The following ILDR2 variants were observed in gnomAD, a reference collection of about 807,000 sequenced individuals.
ILDR2 encodes the protein immunoglobulin like domain containing receptor 2.
In ILDR2, 25 loss-of-function variants were observed where a neutral mutation model predicts 66.8. The observed-to-expected ratio is 0.37, with a 90% confidence interval of 0.27 to 0.52. The LOEUF is 0.52. ILDR2 is among the 20% of genes least tolerant of loss of function. The probability of loss-of-function intolerance (pLI) is 0.88; values close to 1 mark genes in which losing one functional copy is unlikely to be tolerated. For missense variants in ILDR2, 827 were observed against 876.8 expected (o/e 0.94, Z 0.72); for synonymous variants, 367 against 357.2 (o/e 1.03, Z -0.31).
At chr1:166,967,309 G>C (rs1031565520) in intron 1 of ILDR2, among the ~76,000 whole-genome samples, 2 of 152,188 alleles carry the variant, frequency 1.3e-5, no homozygotes, top group African/African-American at 4.8e-5. Context: ...ACTCTTACAG[G>C]AGAGAGAAAT....
rs112727164 is a variant in ILDR2, at chr1:166,923,649, CA to C, written c.995-841del. Among the ~76,000 whole-genome samples, 353 of 152,326 alleles carry C rather than the reference CA, an allele frequency of 2.3e-3. 3 individuals are homozygous for C. Among genetic ancestry groups the C allele is most frequent in the African/African-American group, 8.3e-3 (344 of 41,580 alleles). On this transcript the variant is annotated intron_variant, in intron 7 of 9. Coordinates refer to ENST00000271417, the MANE Select transcript of ILDR2 (RefSeq NM_199351.3). ...ATACTCTGGCCCCAGCCCAAAAATACAAATGGGGGTATCTAGTCACAGCTTT... is the reference window on the plus strand; with the variant it reads ...ATACTCTGGCCCCAGCCCAAAAATACAATGGGGGTATCTAGTCACAGCTTT...
rs374479063 is a variant in ILDR2, at chr1:166,909,736, CATATAT to C, written c.*9613_*9618del. The C allele has an allele frequency of 6.2e-3, 630 of 100,876 alleles. 11 individuals are homozygous for C. Among genetic ancestry groups the C allele is most frequent in the African/African-American group, 0.023 (585 of 24,926 alleles). 6.2% of individuals were successfully genotyped at this position (100,876 alleles called of 1,614,324 possible). ...ATATATATGTGTGTGTGTATACATA[CATATAT>C]ATATATATATATATATAAATATATA... On this transcript the variant is annotated 3_prime_UTR_variant, in exon 10 of 10. Transcript: ENST00000271417.
rs889337055 is a variant in ILDR2 at position 166,922,880 on chromosome 1, T to G, written c.995-71A>C. 7 of 1,353,842 alleles carry G rather than the reference T, an allele frequency of 5.2e-6. No homozygotes were observed. The African/African-American group carries it at 1.0e-4, about 19-fold the overall frequency. 83.9% of individuals were successfully genotyped at this position (1,353,842 alleles called of 1,614,324 possible). A position where few individuals can be genotyped will look rare whatever the true frequency, so the allele number is the denominator to read the frequency against. On this transcript the variant is annotated intron_variant, in intron 7 of 9. Coordinates refer to ENST00000271417, the MANE Select transcript of ILDR2 (RefSeq NM_199351.3). ...GTTTTAGACAGGAAGAGAATCCTGT[T>G]AAGGGCTGAGACCCTAGGCTCCAGG...
chr1:166,904,940 C>CA (rs1659315941), downstream of ILDR2, among the ~76,000 whole-genome samples: 2 of 152,060 alleles, frequency 1.3e-5, no homozygotes, highest in South Asian at 4.2e-4. Context: ...GACACCTCCT[C>CA]AAAAAAACTG....
intron 3 of ILDR2, among the ~76,000 whole-genome samples, chr1:166,945,057 C>A (rs145707925): frequency 6.6e-6 from 1 of 152,206 alleles, no homozygotes; most frequent in East Asian, 1.9e-4. Flanking sequence ...TGATTTGCTG[C>A]GCATTATAGT....
At chr1:166,929,856 A>G (rs1660530925) in intron 6 of ILDR2, among the ~76,000 whole-genome samples, 1 of 152,220 alleles carries the variant, frequency 6.6e-6, no homozygotes, top group African/African-American at 2.4e-5. Flanking sequence ...AAAGGCTTGG[A>G]TCGTAGAAAA....
At position 166,922,610 on chromosome 1, in the gene ILDR2, T is replaced by C; in HGVS notation, c.1194A>G (p.Arg398=). 6.2e-7 allele frequency: 1 copy of C among 1,613,930 alleles called. No homozygotes were observed. Among genetic ancestry groups the C allele is most frequent in the East Asian group, 2.2e-5 (1 of 44,874 alleles). The part of the protein sequence containing the change: ...PSAMEYNKED[R]ESFRHSQPRS... Reference sequence around the variant, plus strand: ...GCCATCACCTGTGCCTGAAGCTCTCTCGATCCTCTTTGTTATACTCCATGG... The same window carrying C: ...GCCATCACCTGTGCCTGAAGCTCTCCCGATCCTCTTTGTTATACTCCATGG... Residue 398 remains arginine (R), a synonymous_variant, in exon 8 of 10, where the codon CGA becomes CGG. Transcript: ENST00000271417.
intron 6 of ILDR2, chr1:166,933,474 A>T: frequency 1.2e-6 from 1 of 814,580 alleles, no homozygotes; most frequent in African/African-American, 1.9e-5. Flanking sequence ...TGTTCTATTA[A>T]CCAACCCTGG....
chr1:166,941,281 A>C (rs1661298988), intron 3 of ILDR2, among the ~76,000 whole-genome samples: 1 of 152,192 alleles, frequency 6.6e-6, no homozygotes, highest in South Asian at 2.1e-4. Context: ...TGCTGCTTGC[A>C]AGGTCTCTTG....
chr1:166,965,696 C>G (rs918459586), intron 1 of ILDR2, among the ~76,000 whole-genome samples: 1 of 151,612 alleles, frequency 6.6e-6, no homozygotes, highest in Non-Finnish European at 1.5e-5. Context: ...CATCAGCCTC[C>G]CACGTAGCTG....
intron 2 of ILDR2, among the ~76,000 whole-genome samples, chr1:166,896,890 C>G (rs1453257880): frequency 2.6e-5 from 4 of 152,152 alleles, no homozygotes; most frequent in Non-Finnish European, 4.4e-5. Flanking sequence ...CCACCTCAGC[C>G]TCCCAAAGTG....
chr1:166,928,300 A>G (rs1660425302), intron 6 of ILDR2, among the ~76,000 whole-genome samples: 1 of 152,202 alleles, frequency 6.6e-6, no homozygotes, highest in South Asian at 2.1e-4. Flanking sequence ...AAAATTTAGC[A>G]GTGCCAGGGC....
In ILDR2 at chr1:166,957,824, G is replaced by A; in HGVS notation, c.324C>T (p.Gly108=). 3.1e-6 allele frequency: 5 copies of A among 1,614,118 alleles called. No individual in the cohort carries two copies. The highest frequency in any genetic ancestry group is 4.2e-6 in the Non-Finnish European group (5 of 1,179,996). Residue 108 remains glycine (G), a synonymous_variant, in exon 2 of 10, where the codon GGC becomes GGT. Transcript: ENST00000271417. Reference sequence around the variant, plus strand: ...AGAAATCTCCCAGGGTGACAGTCGAGCCCTGTTTTGAAGCTACTACTCGAA... The same window carrying A: ...AGAAATCTCCCAGGGTGACAGTCGAACCCTGTTTTGAAGCTACTACTCGAA... The part of the protein sequence containing the change: ...RTVRVVASKQ[G]STVTLGDFYR...
At chr1:166,897,979 G>C (rs1208315674) in intron 2 of ILDR2, among the ~76,000 whole-genome samples, 1 of 152,188 alleles carries the variant, frequency 6.6e-6, no homozygotes, top group East Asian at 1.9e-4. Context: ...GGCATCTGAG[G>C]TAAGGGCAGT....
At position 166,921,871 on chromosome 1, in the gene ILDR2, A is replaced by C. The variant is rs1020414387; in HGVS notation, c.1212-492T>G. Among the ~76,000 whole-genome samples the C allele has an allele frequency of 3.3e-5, 5 of 152,164 alleles. No individual in the cohort carries two copies. The highest frequency in any genetic ancestry group is 7.2e-5 in the African/African-American group (3 of 41,442). ...AGGACACTTGCAATTTGTAAGGGAA[A>C]GGCAATGTTCACTGTCTTTTAAGGT... is the stretch of plus-strand genomic sequence containing the variant. On this transcript the variant is annotated intron_variant, in intron 8 of 9. Coordinates refer to ENST00000271417, the MANE Select transcript of ILDR2 (RefSeq NM_199351.3). This position sits in a 1 kb window ranked among gnomAD's most constrained non-coding sequence, Gnocchi z 5.3.
At position 166,921,125 on chromosome 1, in the gene ILDR2, G is replaced by C; in HGVS notation, c.1466C>G (p.Thr489Ser). 6.5e-7 allele frequency: 1 copy of C among 1,529,952 alleles called. No homozygotes were observed. The highest frequency in any genetic ancestry group is 1.2e-5 in the South Asian group (1 of 83,368). The allele number at this position is 1,529,952 out of a possible 1,614,324, so 94.8% of individuals were successfully genotyped here. The change falls in exon 9 of 10, where the codon ACC (threonine) becomes AGC (serine). Residue 489 changes from threonine to serine, a missense_variant. By Grantham distance (58) the Thr-to-Ser change is moderately conservative. Around this residue, in one of 2 missense-constraint regions of ILDR2, gnomAD observed 390 missense variants for 353.6 expected, o/e 1.10. Transcript: ENST00000271417. This position sits in a 1 kb window ranked among gnomAD's most constrained non-coding sequence, Gnocchi z 5.3. ...GQRSRSREPL[T>S]DADRGWAFSP... ...GAAGGCCCAGCCGCGGTCAGCATCGGTCAGGGGCTCGCGGCTGCGGCTGCG... is the reference window on the plus strand; with the variant it reads ...GAAGGCCCAGCCGCGGTCAGCATCGCTCAGGGGCTCGCGGCTGCGGCTGCG...
downstream of ILDR2, among the ~76,000 whole-genome samples, chr1:166,906,008 A>G (rs1659337303): frequency 6.6e-6 from 1 of 152,212 alleles, no homozygotes; most frequent in Non-Finnish European, 1.5e-5. Flanking sequence ...GGTATGACTA[A>G]GCTGAAAGTC....
intron 7 of ILDR2, among the ~76,000 whole-genome samples, chr1:166,924,746 A>C (rs914272366): frequency 6.6e-6 from 1 of 152,236 alleles, no homozygotes; most frequent in African/African-American, 2.4e-5. Flanking sequence ...TGGGCACGGT[A>C]GCTCATGCCC....
At position 166,914,132 on chromosome 1, in the gene ILDR2, A is replaced by G. The variant is rs555306424; in HGVS notation, c.*5223T>C. On this transcript the variant is annotated 3_prime_UTR_variant, in exon 10 of 10. Coordinates refer to ENST00000271417, the MANE Select transcript of ILDR2 (RefSeq NM_199351.3). Reference sequence around the variant, plus strand: ...ACCCTGTCTCAAAAAAAAAAAAAAGAAAGAAAAAGAAAACGAAACTCTCCT... The same window carrying G: ...ACCCTGTCTCAAAAAAAAAAAAAAGGAAGAAAAAGAAAACGAAACTCTCCT... The G allele has an allele frequency of 6.7e-6, 1 of 150,100 alleles. No individual in the cohort carries two copies. The highest frequency in any genetic ancestry group is 2.4e-5 in the African/African-American group (1 of 40,862). The allele number at this position is 150,100 out of a possible 1,614,324, so 9.3% of individuals were successfully genotyped here.
Sources: allele counts gnomAD v4.1 joint callset (sites outside exome capture counted in the v4.1 genomes callset), GRCh38; gene constraint gnomAD v4.1.1; regional missense constraint gnomAD v4.1.1; non-coding constraint Gnocchi (gnomAD v3.1); transcripts MANE v1.5; gene names NCBI Gene and HGNC (gene_info 2026-07-23, HGNC 2026-07-21).